Variants in TSHZ3 observed in about 807,000 individuals in gnomAD.
TSHZ3 encodes teashirt homolog 3.
TSHZ3 carries 10 observed loss-of-function variants against 64.5 expected under a neutral mutation model. The ratio of observed to expected loss-of-function variants is 0.16; its 90% CI spans 0.10 to 0.26. The LOEUF is 0.26. Among genes scored for constraint, TSHZ3 ranks in the 10% least tolerant of loss-of-function variants. TSHZ3 has a pLI of 1.00. For synonymous variants in TSHZ3, 608 were observed against 593.1 expected, an observed-to-expected ratio of 1.03 and a Z score of -0.36; for missense variants, 1,242 against 1,421.7, an observed-to-expected ratio of 0.87 and a Z score of 2.03.
intron 5 of TSHZ3, among the ~76,000 whole-genome samples, chr19:31,203,805 CCCTT>C (rs1975122095): frequency 6.6e-6 from 1 of 151,886 alleles, no homozygotes; most frequent in Admixed American, 6.6e-5. Flanking sequence ...TTCCCTCTCT[CCCTT>C]CCTTTCTTTC....
At chr19:31,309,625 T>G (rs1233299869) in intron 1 of TSHZ3, among the ~76,000 whole-genome samples, 1 of 152,096 alleles carries the variant, frequency 6.6e-6, no homozygotes, top group Non-Finnish European at 1.5e-5. Flanking sequence ...GAAACCAAGG[T>G]AGGTAAATGA....
chr19:31,230,338 G>T (rs560322474), intron 3 of TSHZ3, among the ~76,000 whole-genome samples: 1 of 152,204 alleles, frequency 6.6e-6, no homozygotes, highest in South Asian at 2.1e-4. Flanking sequence ...GTAAATATAT[G>T]CATAGAAAAA....
rs1479658706 is a variant in TSHZ3 at position 31,276,480 on chromosome 19, G to C, written c.*67C>G. 7.1e-7 allele frequency: 1 copy of C among 1,406,648 alleles called. No homozygotes were observed. The highest frequency in any genetic ancestry group is 2.3e-5 in the Admixed American group (1 of 43,572). The allele number at this position is 1,406,648 out of a possible 1,614,324, so 87.1% of individuals were successfully genotyped here. A position where few individuals can be genotyped will look rare whatever the true frequency, so the allele number is the denominator to read the frequency against. The stretch of plus-strand genomic sequence containing the variant: ...TGTGCCAAGAACAACAAGTCAGAGG[G>C]GGCCTGAAGGTGCCTTCCACAGTTT... On this transcript the variant is annotated 3_prime_UTR_variant, in exon 2 of 2. Coordinates refer to ENST00000240587, the MANE Select transcript of TSHZ3 (RefSeq NM_020856.4).
chr19:31,272,967 G>A (rs192425890), downstream of TSHZ3, among the ~76,000 whole-genome samples: 9 of 152,178 alleles, frequency 5.9e-5, no homozygotes, highest in Admixed American at 5.9e-4. Flanking sequence ...TCACTCTCTC[G>A]CAACAGCAAC....
At chr19:31,205,265 A>G (rs544548719) in intron 4 of TSHZ3, among the ~76,000 whole-genome samples, 27 of 152,252 alleles carry the variant, frequency 1.8e-4, no homozygotes, top group South Asian at 4.1e-4. Flanking sequence ...CGATACCACA[A>G]TTTTTATAAT....
chr19:31,194,309 AG>A (rs1974954416), intron 5 of TSHZ3, among the ~76,000 whole-genome samples: 1 of 152,234 alleles, frequency 6.6e-6, no homozygotes, highest in East Asian at 1.9e-4. Flanking sequence ...TTCTGGCAGA[AG>A]GAGGTGAAAA....
At chr19:31,337,990 G>A (rs1917303276) in intron 1 of TSHZ3, among the ~76,000 whole-genome samples, 1 of 152,186 alleles carries the variant, frequency 6.6e-6, no homozygotes, top group African/African-American at 2.4e-5. Context: ...CATACAACAA[G>A]CCTTTGATTT....
intron 1 of TSHZ3, among the ~76,000 whole-genome samples, chr19:31,265,080 A>T (rs188665444): frequency 1.3e-5 from 2 of 152,054 alleles, no homozygotes; most frequent in African/African-American, 4.8e-5. Context: ...CATTAGGAGA[A>T]CCTGCTCCCA....
chr19:31,292,560 A>C (rs1976583969), intron 1 of TSHZ3, among the ~76,000 whole-genome samples: 1 of 152,194 alleles, frequency 6.6e-6, no homozygotes, highest in Non-Finnish European at 1.5e-5. Context: ...TGGATGGCTA[A>C]CATGAGATGG....
intron 1 of TSHZ3, among the ~76,000 whole-genome samples, chr19:31,261,095 T>C (rs147608580): frequency 6.6e-6 from 1 of 152,280 alleles, no homozygotes; most frequent in Non-Finnish European, 1.5e-5. Flanking sequence ...ACTTATATCC[T>C]CCTGTGCTTC....
At chr19:31,330,806 C>A (rs1568383625) in intron 1 of TSHZ3, among the ~76,000 whole-genome samples, 1 of 152,042 alleles carries the variant, frequency 6.6e-6, no homozygotes, top group Admixed American at 6.5e-5. Flanking sequence ...AGCTTGTTTT[C>A]CCAGCACTTC....
intron 1 of TSHZ3, among the ~76,000 whole-genome samples, chr19:31,300,441 A>G (rs1417622022): frequency 6.6e-6 from 1 of 152,208 alleles, no homozygotes; most frequent in African/African-American, 2.4e-5. Context: ...ATTGAACACA[A>G]ATTTTTTTTA....
At chr19:31,214,630 CG>C (rs1975302291) in intron 4 of TSHZ3, among the ~76,000 whole-genome samples, 1 of 152,130 alleles carries the variant, frequency 6.6e-6, no homozygotes, top group Non-Finnish European at 1.5e-5. Flanking sequence ...TCAGGCAGGC[CG>C]GGCGTGGTGG....
chr19:31,269,692 G>T (rs1599614376), intron 1 of TSHZ3, among the ~76,000 whole-genome samples: 1 of 152,066 alleles, frequency 6.6e-6, no homozygotes, highest in Non-Finnish European at 1.5e-5. Flanking sequence ...TCCTGCTGTG[G>T]AAGAAAAAAA....
chr19:31,262,478 A>G (rs1014352407), intron 1 of TSHZ3, among the ~76,000 whole-genome samples: 52 of 152,176 alleles, frequency 3.4e-4, no homozygotes, highest in African/African-American at 1.2e-3. Context: ...AGAAAAAGTC[A>G]AGTCGTTTTC....
chr19:31,160,271 C>A lies in TSHZ3; in HGVS notation n.810-3854G>T, dbSNP rs577040701. ...TGGAGGCCTCCCTCTAGGTGGTGTG[C>A]ACGTGTTAGACATCAGTTTGCACTG... On this transcript the variant is annotated intron_variant and non_coding_transcript_variant, in intron 5 of 6. Transcript: ENST00000651361. Among the ~76,000 whole-genome samples the A allele has an allele frequency of 2.3e-4, 35 of 152,280 alleles. 1 individual carries two copies. The highest frequency in any genetic ancestry group is 8.2e-4 in the African/African-American group (34 of 41,556).
chr19:31,242,481 A>T (rs1193959459), exon 3 of TSHZ3, among the ~76,000 whole-genome samples: 1 of 152,182 alleles, frequency 6.6e-6, no homozygotes, highest in East Asian at 1.9e-4. Context: ...TGGAGTTCTG[A>T]TGTCCAAAGG....
At chr19:31,263,183 T>A (rs1229234239) in intron 1 of TSHZ3, among the ~76,000 whole-genome samples, 1 of 151,596 alleles carries the variant, frequency 6.6e-6, no homozygotes, top group East Asian at 1.9e-4. Context: ...GACTTGGAGG[T>A]CCCGGAGGAC....
intron 3 of TSHZ3, among the ~76,000 whole-genome samples, chr19:31,241,298 G>A (rs1246562056): frequency 1.3e-5 from 2 of 152,004 alleles, no homozygotes; most frequent in Non-Finnish European, 1.5e-5. Flanking sequence ...CTCTTGTTGG[G>A]GCTTCAATTT....
Sources: allele counts gnomAD v4.1 joint callset (sites outside exome capture counted in the v4.1 genomes callset), GRCh38; gene constraint gnomAD v4.1.1; transcripts MANE v1.5; gene names NCBI Gene and HGNC (gene_info 2026-07-23, HGNC 2026-07-21).